The following CWF19L2 variants were observed in gnomAD, a reference collection of about 807,000 sequenced individuals.
CWF19L2 encodes the protein CWF19 like cell cycle control factor 2.
Under a neutral mutation model 111.7 loss-of-function variants are expected in CWF19L2, and 98 were observed. The observed-to-expected ratio is 0.88, with a 90% CI of 0.75 to 1.04. CWF19L2 has a LOEUF of 1.04. Ranked by LOEUF, CWF19L2 falls within the 50% of genes least tolerant of loss-of-function variation. CWF19L2 has a pLI of 0.00. For missense variants in CWF19L2, 1,101 were observed against 1,051.4 expected (o/e 1.05, Z -0.65); for synonymous variants, 351 against 342.9 (o/e 1.02, Z -0.26).
intron 12 of CWF19L2, among the ~76,000 whole-genome samples, chr11:107,356,337 G>C (rs1860236954): frequency 6.6e-6 from 1 of 151,838 alleles, no homozygotes; most frequent in South Asian, 2.1e-4. Flanking sequence ...ACTAGAAAAA[G>C]AAAAAATAAA....
In CWF19L2 at chr11:107,433,731, C is replaced by A. The variant is rs749076782; in HGVS notation, c.683G>T (p.Gly228Val). 1 of 1,565,984 alleles carries A rather than the reference C, an allele frequency of 6.4e-7. No individual in the cohort carries two copies. The highest frequency in any genetic ancestry group is 1.8e-5 in the Admixed American group (1 of 55,932). ...SITKVSVVED[G>V]GLSWLRKSYL... is the part of the protein sequence containing the mutation. ...AGATTTCCTTAGCCAGCTTAATCCA[C>A]CATCTTCTACCACTGAAACTAAATT... is the stretch of plus-strand genomic sequence containing the variant. The change falls in exon 7 of 18, where the codon GGT (glycine) becomes GTT (valine). Residue 228 changes from glycine to valine, a missense_variant. Physicochemically the swap from Gly to Val is moderately radical, Grantham distance 109. Transcript: ENST00000282251.
At chr11:107,360,322 T>C (rs976751230) in intron 12 of CWF19L2, among the ~76,000 whole-genome samples, 4 of 152,252 alleles carry the variant, frequency 2.6e-5, no homozygotes, top group African/African-American at 9.6e-5. Context: ...AATTTCATTC[T>C]TTCTTATGGG....
intron 10 of CWF19L2, among the ~76,000 whole-genome samples, chr11:107,409,053 G>A (rs1368622230): frequency 6.6e-6 from 1 of 151,232 alleles, no homozygotes; most frequent in African/African-American, 2.4e-5. Flanking sequence ...CTGTTGTACT[G>A]TGCTTAGGGG....
At chr11:107,334,791 C>A (rs1196195196) in intron 16 of CWF19L2, 90 bp downstream of exon 16, 2 of 839,048 alleles carry the variant, frequency 2.4e-6, no homozygotes, top group African/African-American at 1.7e-5. Context: ...GTCACTCAAC[C>A]AAATGGTCCC....
rs113848664 is a variant in CWF19L2, at chr11:107,395,789, A to G, written c.1618-2894T>C. Among the ~76,000 whole-genome samples the G allele has an allele frequency of 3.9e-3, 589 of 152,326 alleles. 1 individual carries two copies. The highest frequency in any genetic ancestry group is 0.013 in the African/African-American group (531 of 41,570). On this transcript the variant is annotated intron_variant, in intron 10 of 17. Transcript: ENST00000282251. ...CTCTGTTCCCAATAATTTTTGGCAC[A>G]TGTATGTTACTAGACTGTAATATTT...
chr11:107,393,864 T>C (rs1487550720), intron 10 of CWF19L2, among the ~76,000 whole-genome samples: 1 of 152,046 alleles, frequency 6.6e-6, no homozygotes, highest in African/African-American at 2.4e-5. Context: ...TAATAGACAC[T>C]GTAGTCTCCA....
intron 1 of CWF19L2, among the ~76,000 whole-genome samples, chr11:107,457,211 A>T (rs1270791135): frequency 6.6e-6 from 1 of 152,184 alleles, no homozygotes; most frequent in Non-Finnish European, 1.5e-5. Context: ...GATTGGTGTT[A>T]ACTTTTGTTT....
chr11:107,431,931 G>A (rs612080), intron 7 of CWF19L2, among the ~76,000 whole-genome samples: 40,025 of 151,852 alleles, frequency 0.26, 5,555 homozygotes, highest in African/African-American at 0.33. Flanking sequence ...TTCATACCAT[G>A]CACAAATATA....
chr11:107,335,517 A>G (rs1591147698), intron 15 of CWF19L2, among the ~76,000 whole-genome samples: 2 of 152,190 alleles, frequency 1.3e-5, no homozygotes, highest in East Asian at 1.9e-4. Context: ...CTTTGATTGC[A>G]TGCAACTCAA....
chr11:107,455,947 T>A (rs1040345568), intron 1 of CWF19L2, among the ~76,000 whole-genome samples, 171 bp from the exon 2 acceptor site: 3 of 152,052 alleles, frequency 2.0e-5, no homozygotes, highest in Admixed American at 2.0e-4. Context: ...AAAAAATAAA[T>A]AAATAAACAA....
At chr11:107,392,404 T>C (rs11212198) in intron 11 of CWF19L2, among the ~76,000 whole-genome samples, 5,628 of 152,236 alleles carry the variant, frequency 0.037, 139 homozygotes, top group East Asian at 0.1. Context: ...TGTGTATGGA[T>C]ACCCCATCAC....
rs1360189275 is a variant in CWF19L2 at position 107,420,140 on chromosome 11, T to C, written c.1434-1853A>G. ...GTGAAAAAAGAACAGATGGGAAAAA[T>C]AGAAAACGAATAGCAAAGTTACATA... is the stretch of plus-strand genomic sequence containing the variant. On this transcript the variant is annotated intron_variant, in intron 8 of 17. Coordinates refer to ENST00000282251, the MANE Select transcript of CWF19L2 (RefSeq NM_152434.3). Among the ~76,000 whole-genome samples, 4 of 151,326 alleles carry C rather than the reference T, an allele frequency of 2.6e-5. No individual in the cohort carries two copies. In the East Asian group the frequency reaches 5.8e-4, roughly 22 times the overall value.
At chr11:107,450,418 G>A (rs961120116) in intron 3 of CWF19L2, among the ~76,000 whole-genome samples, 8 of 151,784 alleles carry the variant, frequency 5.3e-5, no homozygotes, top group African/African-American at 1.2e-4. Flanking sequence ...CCTGGACGTC[G>A]AAGTGCACAC....
chr11:107,374,412 A>G (rs1246550574), intron 12 of CWF19L2, among the ~76,000 whole-genome samples: 1 of 135,226 alleles, frequency 7.4e-6, no homozygotes, highest in Non-Finnish European at 1.6e-5. Flanking sequence ...TCAGACTAAC[A>G]GCAGATCTCT....
At chr11:107,358,090 TAAC>T (rs1346205887) in intron 12 of CWF19L2, among the ~76,000 whole-genome samples, 1 of 152,146 alleles carries the variant, frequency 6.6e-6, no homozygotes, top group Non-Finnish European at 1.5e-5. Flanking sequence ...AGACAGATAA[TAAC>T]AAGTGTTGTC....
At chr11:107,443,740 C>T (rs79736759) in intron 3 of CWF19L2, among the ~76,000 whole-genome samples, 1,731 of 152,280 alleles carry the variant, frequency 0.011, 35 homozygotes, top group African/African-American at 0.039. Flanking sequence ...TTGCTGTTTG[C>T]CCCTAAGTTT....
At chr11:107,389,449 T>C (rs945011755) in intron 12 of CWF19L2, among the ~76,000 whole-genome samples, 1 of 152,196 alleles carries the variant, frequency 6.6e-6, no homozygotes, top group African/African-American at 2.4e-5. Flanking sequence ...GGGTCACAGT[T>C]TGCCAAAACC....
chr11:107,356,854 A>T (rs996313510), intron 12 of CWF19L2, among the ~76,000 whole-genome samples: 1 of 152,144 alleles, frequency 6.6e-6, no homozygotes, highest in Non-Finnish European at 1.5e-5. Flanking sequence ...CCTGACCAAC[A>T]TGGAGAAACC....
At chr11:107,362,180 C>G (rs1269435976) in intron 12 of CWF19L2, among the ~76,000 whole-genome samples, 1 of 132,424 alleles carries the variant, frequency 7.6e-6, no homozygotes, top group Non-Finnish European at 1.6e-5. Context: ...CCTACGCCCA[C>G]GGAGTCTCGC....
Sources: gnomAD v4.1 joint callset for allele counts (sites outside exome capture counted in the v4.1 genomes callset) on GRCh38, gnomAD v4.1.1 for gene constraint, MANE v1.5 for transcripts, NCBI Gene and HGNC (gene_info 2026-07-23, HGNC 2026-07-21) for gene names.